The following MSRA variants were observed in gnomAD, a reference collection of about 807,000 sequenced individuals.
MSRA encodes mitochondrial peptide methionine sulfoxide reductase.
MSRA carries 54 observed loss-of-function variants against 31.3 expected under a neutral mutation model. The ratio of observed to expected loss-of-function variants is 1.73; its 90% CI spans 1.39 to 2.17. The LOEUF is 2.17. MSRA is among the 30% of genes most tolerant of loss of function. The pLI, the probability that MSRA is intolerant of heterozygous loss-of-function variation, is 0.00. For missense variants in MSRA, 507 were observed against 300.9 expected, an observed-to-expected ratio of 1.69 and a Z score of -5.07; for synonymous variants, 169 against 116.5, an observed-to-expected ratio of 1.45 and a Z score of -2.90.
chr8:10,370,202 A>G (rs901787315), intron 5 of MSRA, among the ~76,000 whole-genome samples: 2 of 152,192 alleles, frequency 1.3e-5, no homozygotes, highest in African/African-American at 2.4e-5. Flanking sequence ...TTTGGAAGCC[A>G]TTATGTTCAA....
intron 3 of MSRA, among the ~76,000 whole-genome samples, chr8:10,297,258 C>A (rs1228498389): frequency 1.3e-5 from 2 of 152,186 alleles, no homozygotes; most frequent in African/African-American, 4.8e-5. Context: ...TCCATTTGTT[C>A]ATCTTCCTCT....
At chr8:10,286,096 G>A (rs1563310524) in intron 3 of MSRA, among the ~76,000 whole-genome samples, 1 of 152,078 alleles carries the variant, frequency 6.6e-6, no homozygotes, top group Non-Finnish European at 1.5e-5. Flanking sequence ...CAGGAATGGT[G>A]TGGCTTATTT....
intron 5 of MSRA, among the ~76,000 whole-genome samples, chr8:10,363,555 C>A (rs1036282233): frequency 6.6e-6 from 1 of 152,118 alleles, no homozygotes; most frequent in Non-Finnish European, 1.5e-5. Context: ...TTAGTAGTCC[C>A]CTTAGCCTGT....
intron 5 of MSRA, among the ~76,000 whole-genome samples, chr8:10,424,628 G>A (rs1809021639): frequency 6.6e-6 from 1 of 151,186 alleles, no homozygotes. Context: ...AGTGGGATCA[G>A]GGAGAAGGGT....
chr8:10,216,383 A>C (rs566937837), intron 2 of MSRA, among the ~76,000 whole-genome samples: 7 of 152,364 alleles, frequency 4.6e-5, no homozygotes, highest in African/African-American at 1.2e-4. Flanking sequence ...AGTTGGTTGC[A>C]TGATGGACTT....
Position 10,352,223 on chromosome 8 carries a change from A to G in MSRA, c.543+32234A>G, listed in dbSNP as rs73662821. Reference sequence around the variant, plus strand: ...AGATGTTGTAGGGTTCAGTTCGTGTAGTGAATTTTTCCTGAATCCTTAAAT... The same window carrying G: ...AGATGTTGTAGGGTTCAGTTCGTGTGGTGAATTTTTCCTGAATCCTTAAAT... On this transcript the variant is annotated intron_variant, in intron 5 of 5. Coordinates refer to ENST00000317173, the MANE Select transcript of MSRA (RefSeq NM_012331.5). Among the ~76,000 whole-genome samples, 963 of 152,350 alleles carry G rather than the reference A, an allele frequency of 6.3e-3. 9 individuals carry two copies. The highest frequency in any genetic ancestry group is 0.021 in the African/African-American group (886 of 41,578).
chr8:10,334,985 G>T (rs1177082316), intron 5 of MSRA, among the ~76,000 whole-genome samples: 1 of 151,010 alleles, frequency 6.6e-6, no homozygotes, highest in African/African-American at 2.4e-5. Flanking sequence ...CTGCAAGCGA[G>T]GAGGAATAAA....
At chr8:10,310,904 C>T (rs1055407133) in intron 4 of MSRA, among the ~76,000 whole-genome samples, 2 of 152,268 alleles carry the variant, frequency 1.3e-5, no homozygotes, top group Non-Finnish European at 2.9e-5. Flanking sequence ...ATTTTATAAT[C>T]CTATTAAGGA....
intron 1 of MSRA, among the ~76,000 whole-genome samples, chr8:10,114,050 A>C (rs920155431): frequency 7.9e-5 from 12 of 152,192 alleles, no homozygotes; most frequent in African/African-American, 2.4e-4. Context: ...CGTCAATAGA[A>C]TCATGTAATA....
intron 4 of MSRA, among the ~76,000 whole-genome samples, chr8:10,316,769 C>T (rs1801751370): frequency 6.6e-6 from 1 of 152,194 alleles, no homozygotes; most frequent in Non-Finnish European, 1.5e-5. Flanking sequence ...AGGCAAGGTG[C>T]ACCAGGAGGT....
At chr8:10,330,204 TATACACACAC>T in intron 5 of MSRA, among the ~76,000 whole-genome samples, 1 of 107,968 alleles carries the variant, frequency 9.3e-6, no homozygotes, top group South Asian at 3.5e-4. Context: ...TTAAATGTGA[TATACACACAC>T]ACACACACAC....
chr8:10,270,666 T>C (rs1324155580), intron 3 of MSRA, among the ~76,000 whole-genome samples: 1 of 152,194 alleles, frequency 6.6e-6, no homozygotes, highest in Non-Finnish European at 1.5e-5. Flanking sequence ...TTAAGTGTTA[T>C]CCAGGTGGAT....
chr8:10,301,888 C>A (rs992843284), intron 4 of MSRA, among the ~76,000 whole-genome samples: 1 of 152,136 alleles, frequency 6.6e-6, no homozygotes, highest in Non-Finnish European at 1.5e-5. Context: ...CAGAGGAAGA[C>A]GCCAGACAAT....
At chr8:10,154,769 A>G (rs1804006122) in intron 1 of MSRA, among the ~76,000 whole-genome samples, 1 of 152,184 alleles carries the variant, frequency 6.6e-6, no homozygotes, top group South Asian at 2.1e-4. Context: ...TAGATAAAAT[A>G]TATCAATTGT....
At chr8:10,277,032 A>G (rs1799356780) in intron 3 of MSRA, among the ~76,000 whole-genome samples, 1 of 152,172 alleles carries the variant, frequency 6.6e-6, no homozygotes, top group Non-Finnish European at 1.5e-5. Flanking sequence ...ATAATCTGTT[A>G]GCTTTTCTAA....
intron 1 of MSRA, among the ~76,000 whole-genome samples, chr8:10,205,681 T>A (rs1338415438): frequency 6.6e-6 from 1 of 152,188 alleles, no homozygotes; most frequent in Admixed American, 6.5e-5. Context: ...AAGAAAAGAA[T>A]CTAACAATGA....
chr8:10,054,781 G>A lies in MSRA; in HGVS notation c.142+123G>A, dbSNP rs893304247. The A allele has an allele frequency of 7.7e-6, 9 of 1,168,062 alleles. No homozygotes were observed. The African/African-American group carries it at 1.1e-4, about 15-fold the overall frequency. 72.4% of individuals were successfully genotyped at this position (1,168,062 alleles called of 1,614,324 possible). The stretch of plus-strand genomic sequence containing the variant: ...CTGGCCTCGGGCGGGTCGCGGGGTG[G>A]GGGTCTGCGCAGGCGCGAAGGGGCG... On this transcript the variant is annotated intron_variant, in intron 1 of 5. Transcript: ENST00000317173.
At chr8:10,166,454 A>G (rs554082346) in intron 1 of MSRA, among the ~76,000 whole-genome samples, 2 of 152,158 alleles carry the variant, frequency 1.3e-5, no homozygotes, top group African/African-American at 4.8e-5. Flanking sequence ...GTGTGACTAC[A>G]TATGTTATAT....
At chr8:10,301,430 G>C in intron 3 of MSRA, 104 bp from the exon 4 acceptor site, 1 of 801,156 alleles carries the variant, frequency 1.2e-6, no homozygotes, top group Admixed American at 2.1e-5. Context: ...TTCCTTCACA[G>C]GGTAGAGTTT....
Sources: gnomAD v4.1 joint callset for allele counts (sites outside exome capture counted in the v4.1 genomes callset) on GRCh38, gnomAD v4.1.1 for gene constraint, MANE v1.5 for transcripts, NCBI Gene and HGNC (gene_info 2026-07-23, HGNC 2026-07-21) for gene names.